The following BIRC3 variants were observed in gnomAD, a reference collection of about 807,000 sequenced individuals.
The protein encoded by BIRC3 is baculoviral IAP repeat-containing protein 3.
BIRC3 carries 26 observed loss-of-function variants against 59.0 expected under a neutral mutation model. The observed-to-expected ratio is 0.44, with a 90% confidence interval of 0.32 to 0.61. The LOEUF (loss-of-function observed/expected upper bound fraction) is 0.61. Among genes scored for constraint, BIRC3 ranks in the 20% least tolerant of loss-of-function variants. The pLI is 0.04. For synonymous variants in BIRC3, 243 were observed against 249.2 expected, an observed-to-expected ratio of 0.98 and a Z score of 0.24; for missense variants, 641 against 711.5, an observed-to-expected ratio of 0.90 and a Z score of 1.13.
chr11:102,337,134 A>G lies in BIRC3; in HGVS notation c.*32A>G, dbSNP rs1271027293. ...ACCAAAACATCGTCTAAACTTTAGAATTAATTTATTAAATGTATTATAACT... is the reference window on the plus strand; with the variant it reads ...ACCAAAACATCGTCTAAACTTTAGAGTTAATTTATTAAATGTATTATAACT... On this transcript the variant is annotated 3_prime_UTR_variant, in exon 9 of 9. Coordinates refer to ENST00000263464, the MANE Select transcript of BIRC3 (RefSeq NM_001165.5). 1 of 1,371,454 alleles carries G rather than the reference A, an allele frequency of 7.3e-7. No individual in the cohort carries two copies. Among genetic ancestry groups the G allele is most frequent in the Non-Finnish European group, 9.5e-7 (1 of 1,051,208 alleles). 85.0% of individuals were successfully genotyped at this position (1,371,454 alleles called of 1,614,324 possible). A position where few individuals can be genotyped will look rare whatever the true frequency, so the allele number is the denominator to read the frequency against.
At position 102,336,727 on chromosome 11, in the gene BIRC3, G is replaced by T. The variant is rs755044874; in HGVS notation, c.1580-33G>T. 5.5e-5 allele frequency: 87 copies of T among 1,582,752 alleles called. 3 individuals are homozygous for T. In the South Asian group the frequency reaches 9.7e-4, roughly 18 times the overall value. ...CCATAGCTAAATATTAACCTTATTTGTCATAGTAATGCTTTTTCTTTTTCT... is the reference window on the plus strand; with the variant it reads ...CCATAGCTAAATATTAACCTTATTTTTCATAGTAATGCTTTTTCTTTTTCT... On this transcript the variant is annotated intron_variant, in intron 7 of 8. Coordinates refer to ENST00000263464, the MANE Select transcript of BIRC3 (RefSeq NM_001165.5).
chr11:102,333,833 A>G (rs1485094642), intron 6 of BIRC3, among the ~76,000 whole-genome samples: 3 of 151,920 alleles, frequency 2.0e-5, no homozygotes, highest in African/African-American at 7.3e-5. Flanking sequence ...GAATGTGGTG[A>G]CTCATGCCTG....
chr11:102,338,175 C>T lies in BIRC3; in HGVS notation c.*1073C>T, dbSNP rs1043590536. The T allele has an allele frequency of 3.1e-5, 7 of 227,712 alleles. No individual in the cohort carries two copies. The highest frequency in any genetic ancestry group is 1.1e-4 in the African/African-American group (5 of 44,994). 14.1% of individuals were successfully genotyped at this position (227,712 alleles called of 1,614,324 possible). ...TGCATTATGTTATTGGTACTCAACA[C>T]GTCCGAGTCATAACTCTGTCCTTTG... On this transcript the variant is annotated 3_prime_UTR_variant, in exon 9 of 9. Transcript: ENST00000263464.
At position 102,336,156 on chromosome 11, in the gene BIRC3, T is replaced by G; in HGVS notation, c.1515T>G (p.Ile505Met). The change falls in exon 7 of 9, where the codon ATT becomes ATG. Residue 505 changes from isoleucine to methionine, a missense_variant. Around this residue, in one of 4 missense-constraint regions of BIRC3, gnomAD observed 268 missense variants for 255.7 expected, o/e 1.05. Transcript: ENST00000263464. ...ATACGATTTTAGTAAAAGGAAATAT[T>G]GCAGCCACTGTATTCAGAAACTCTC... Reference protein sequence around the residue: ...LIDTILVKGNIAATVFRNSLQ... With the variant: ...LIDTILVKGNMAATVFRNSLQ... The G allele has an allele frequency of 6.2e-7, 1 of 1,613,908 alleles. No individual in the cohort carries two copies. Among genetic ancestry groups the G allele is most frequent in the Non-Finnish European group, 8.5e-7 (1 of 1,179,910 alleles).
chr11:102,323,881 T>A lies in BIRC3; in HGVS notation c.-629T>A, dbSNP rs908912982. 17 of 202,054 alleles carry A rather than the reference T, an allele frequency of 8.4e-5. No homozygotes were observed. Among genetic ancestry groups the A allele is most frequent in the Non-Finnish European group, 1.7e-4 (17 of 98,518 alleles). The allele number at this position is 202,054 out of a possible 1,614,324, so 12.5% of individuals were successfully genotyped here. A position where few individuals can be genotyped will look rare whatever the true frequency, so the allele number is the denominator to read the frequency against. On this transcript the variant is annotated 5_prime_UTR_variant, in exon 2 of 9. It removes an upstream start codon present in the reference 5' UTR. Coordinates refer to ENST00000263464, the MANE Select transcript of BIRC3 (RefSeq NM_001165.5). ...AATTAAAATATGATGTCATTAATTA[T>A]GAAATACTTCTTGATAACAGAAGTT...
At chr11:102,328,867 T>C (rs1275803885) in intron 4 of BIRC3, 30 bp from the exon 5 acceptor site, 6 of 767,764 alleles carry the variant, frequency 7.8e-6, no homozygotes, top group African/African-American at 1.9e-5. Flanking sequence ...TTTATATATA[T>C]ATATATATAT....
Position 102,336,135 on chromosome 11 carries a change from G to A in BIRC3, c.1494G>A (p.Thr498=), listed in dbSNP as rs1200132182. ...TSLQARELID[T]ILVKGNIAAT... is the part of the protein sequence containing the mutation. ...TACAAGCAAGAGAACTGATTGATAC[G>A]ATTTTAGTAAAAGGAAATATTGCAG... Residue 498 remains threonine (T), a synonymous_variant, in exon 7 of 9, where the codon ACG becomes ACA. Transcript: ENST00000263464. 10 of 1,613,706 alleles carry A rather than the reference G, an allele frequency of 6.2e-6. No individual in the cohort carries two copies. The highest frequency in any genetic ancestry group is 5.3e-5 in the African/African-American group (4 of 74,902).
chr11:102,318,213 T>A (rs1950993667), intron 1 of BIRC3, among the ~76,000 whole-genome samples: 1 of 152,194 alleles, frequency 6.6e-6, no homozygotes, highest in Admixed American at 6.5e-5. Flanking sequence ...CACGTTTAAT[T>A]ATCATAATCT....
Position 102,323,086 on chromosome 11 carries a change from A to C in BIRC3, c.-1424A>C, listed in dbSNP as rs1248950820. 3 of 198,234 alleles carry C rather than the reference A, an allele frequency of 1.5e-5. No homozygotes were observed. Among genetic ancestry groups the C allele is most frequent in the African/African-American group, 6.9e-5 (3 of 43,396 alleles). The allele number at this position is 198,234 out of a possible 1,614,324, so 12.3% of individuals were successfully genotyped here. On this transcript the variant is annotated 5_prime_UTR_variant, in exon 2 of 9. Transcript: ENST00000263464. The stretch of plus-strand genomic sequence containing the variant: ...TGTTTTAAAAAATAAATCCACTATC[A>C]GAGTAGATTTGATGTTGGCTTCAGA...
intron 7 of BIRC3, 93 bp from the exon 8 acceptor site, chr11:102,336,667 G>C (rs1951199532): frequency 1.7e-6 from 2 of 1,162,264 alleles, no homozygotes; most frequent in Non-Finnish European, 2.5e-6. Flanking sequence ...TGAGTATTTG[G>C]CTATAGTCTA....
chr11:102,321,537 T>C (rs1360294939), intron 1 of BIRC3, among the ~76,000 whole-genome samples: 1 of 152,108 alleles, frequency 6.6e-6, no homozygotes, highest in Non-Finnish European at 1.5e-5. Flanking sequence ...GTATTTTTAG[T>C]AGAGATGGGG....
rs1345377316 is a variant in BIRC3, at chr11:102,338,147, CT to C, written c.*1046del. The C allele has an allele frequency of 8.8e-6, 2 of 228,494 alleles. No individual in the cohort carries two copies. The highest frequency in any genetic ancestry group is 1.7e-5 in the Non-Finnish European group (2 of 115,214). The allele number at this position is 228,494 out of a possible 1,614,324, so 14.2% of individuals were successfully genotyped here. ...ATTGTCAGTGCAACAAAATGTCCCC[CT>C]CTGCATTATGTTATTGGTACTCAAC... On this transcript the variant is annotated 3_prime_UTR_variant, in exon 9 of 9. Transcript: ENST00000263464.
chr11:102,337,612 T>G lies in BIRC3; in HGVS notation c.*510T>G. ...ACACCAGGGACACATTTCTCTGTCT[T>G]TTTTGATCAGTGTCCTATACATCGA... On this transcript the variant is annotated 3_prime_UTR_variant, in exon 9 of 9. Coordinates refer to ENST00000263464, the MANE Select transcript of BIRC3 (RefSeq NM_001165.5). The G allele has an allele frequency of 2.8e-6, 1 of 361,554 alleles. No homozygotes were observed. Among genetic ancestry groups the G allele is most frequent in the Non-Finnish European group, 4.9e-6 (1 of 202,374 alleles). 22.4% of individuals were successfully genotyped at this position (361,554 alleles called of 1,614,324 possible).
At position 102,324,533 on chromosome 11, in the gene BIRC3, ATTC is replaced by A; in HGVS notation, c.27_29del (p.Phe9del). 1 of 1,613,596 alleles carries A rather than the reference ATTC, an allele frequency of 6.2e-7. No individual in the cohort carries two copies. On this transcript the variant is annotated inframe_deletion, in exon 2 of 9. Transcript: ENST00000263464. ...TTATGAACATAGTAGAAAACAGCAT[ATTC>A]TTATCAAATTTGATGAAAAGCGCCA... is the stretch of plus-strand genomic sequence containing the variant.
chr11:102,319,012 T>C (rs1007183555), intron 1 of BIRC3, among the ~76,000 whole-genome samples: 4 of 151,900 alleles, frequency 2.6e-5, no homozygotes, highest in African/African-American at 9.7e-5. Flanking sequence ...TACAGGGTAG[T>C]TGCTAGAGTG....
chr11:102,335,855 C>T, intron 6 of BIRC3, 111 bp from the exon 7 acceptor site: 2 of 1,131,262 alleles, frequency 1.8e-6, no homozygotes, highest in Non-Finnish European at 2.5e-6. Flanking sequence ...ACATCAATGC[C>T]TTACTGATTA....
chr11:102,318,098 A>C (rs1950990981), intron 1 of BIRC3, among the ~76,000 whole-genome samples: 1 of 152,340 alleles, frequency 6.6e-6, no homozygotes, highest in South Asian at 2.1e-4. Flanking sequence ...CTAACGTAAC[A>C]ATAATATTAA....
In BIRC3 at chr11:102,324,006, A is replaced by C; in HGVS notation, c.-504A>C. On this transcript the variant is annotated 5_prime_UTR_variant, in exon 2 of 9. Transcript: ENST00000263464. ...TTTTTTCCTGGCCACTAAATTTCACAATTTCCAAAAAGCAAAATAAACATA... is the reference window on the plus strand; with the variant it reads ...TTTTTTCCTGGCCACTAAATTTCACCATTTCCAAAAAGCAAAATAAACATA... 4.8e-6 allele frequency: 1 copy of C among 206,702 alleles called. No individual in the cohort carries two copies. The allele number at this position is 206,702 out of a possible 1,614,324, so 12.8% of individuals were successfully genotyped here.
rs1042189150 is a variant in BIRC3 at position 102,323,858 on chromosome 11, T to G, written c.-652T>G. ...CTCTAAGAAATAAAAGTGCTTCTAATTAAAATATGATGTCATTAATTATGA... is the reference window on the plus strand; with the variant it reads ...CTCTAAGAAATAAAAGTGCTTCTAAGTAAAATATGATGTCATTAATTATGA... On this transcript the variant is annotated 5_prime_UTR_variant, in exon 2 of 9. Transcript: ENST00000263464. The G allele has an allele frequency of 1.0e-4, 21 of 200,910 alleles. No homozygotes were observed. The highest frequency in any genetic ancestry group is 1.9e-4 in the Non-Finnish European group (19 of 97,726). 12.4% of individuals were successfully genotyped at this position (200,910 alleles called of 1,614,324 possible).
Sources: allele counts gnomAD v4.1 joint callset (sites outside exome capture counted in the v4.1 genomes callset), GRCh38; gene constraint gnomAD v4.1.1; regional missense constraint gnomAD v4.1.1; transcripts MANE v1.5; gene names NCBI Gene and HGNC (gene_info 2026-07-23, HGNC 2026-07-21).